Variants in CACNA2D2 observed in about 807,000 individuals in gnomAD.
CACNA2D2 encodes voltage-dependent calcium channel subunit alpha-2/delta-2.
A neutral mutation model predicts 166.4 loss-of-function variants in CACNA2D2; 48 were observed. The ratio of observed to expected loss-of-function variants is 0.29; its 90% CI spans 0.23 to 0.37. The LOEUF is 0.37. Among genes scored for constraint, CACNA2D2 ranks in the 10% least tolerant of loss-of-function variants. The pLI is 1.00. For synonymous variants in CACNA2D2, 561 were observed against 573.7 expected (o/e 0.98, Z 0.32); for missense variants, 1,122 against 1,433.0 (o/e 0.78, Z 3.50).
chr3:50,431,569 G>T (rs1372705912), intron 3 of CACNA2D2, among the ~76,000 whole-genome samples: 1 of 152,204 alleles, frequency 6.6e-6, no homozygotes, highest in Non-Finnish European at 1.5e-5. Context: ...GTCCCCCTCT[G>T]TGAAGCCAAG....
intron 5 of CACNA2D2, among the ~76,000 whole-genome samples, chr3:50,386,428 G>T (rs946329629): frequency 2.6e-5 from 4 of 152,252 alleles, no homozygotes; most frequent in Admixed American, 2.0e-4. Context: ...GCCCGCTGCT[G>T]AGGGGGGTAA....
intron 2 of CACNA2D2, among the ~76,000 whole-genome samples, chr3:50,461,912 G>C (rs1709604359): frequency 6.6e-6 from 1 of 152,218 alleles, no homozygotes; most frequent in African/African-American, 2.4e-5. Flanking sequence ...GGACACATTG[G>C]TGCCGCAGGC....
chr3:50,462,174 A>C (rs578216400), intron 2 of CACNA2D2, among the ~76,000 whole-genome samples: 1 of 152,092 alleles, frequency 6.6e-6, no homozygotes, highest in Non-Finnish European at 1.5e-5. Context: ...GGATCACTTG[A>C]AGTCAGGAGT....
intron 1 of CACNA2D2, among the ~76,000 whole-genome samples, chr3:50,482,300 C>T (rs541245017): frequency 6.6e-6 from 1 of 152,312 alleles, no homozygotes; most frequent in East Asian, 1.9e-4. Context: ...ATCTCCTGGG[C>T]CACCTTCCCT....
At chr3:50,487,368 G>T (rs1011923174) in intron 1 of CACNA2D2, among the ~76,000 whole-genome samples, 1 of 152,248 alleles carries the variant, frequency 6.6e-6, no homozygotes, top group Non-Finnish European at 1.5e-5. Flanking sequence ...CTATCCTGCA[G>T]TAGGAACGTT....
At chr3:50,442,845 G>A (rs1018044343) in intron 2 of CACNA2D2, among the ~76,000 whole-genome samples, 3 of 152,200 alleles carry the variant, frequency 2.0e-5, no homozygotes, top group East Asian at 3.9e-4. Flanking sequence ...CAAGACAAGC[G>A]TCCCTGGACA....
chr3:50,454,274 G>A (rs569817279), intron 2 of CACNA2D2, among the ~76,000 whole-genome samples: 8 of 152,334 alleles, frequency 5.3e-5, no homozygotes, highest in East Asian at 3.9e-4. Context: ...GGAAGGGACC[G>A]AGCCGGACTC....
chr3:50,412,297 G>GGCCCTGCTCTGA (rs1707054299), intron 3 of CACNA2D2, among the ~76,000 whole-genome samples: 1 of 152,238 alleles, frequency 6.6e-6, no homozygotes, highest in African/African-American at 2.4e-5. Flanking sequence ...GCTGGCTGTG[G>GGCCCTGCTCTGA]GCCCTGCTCT....
In CACNA2D2 at chr3:50,366,838, G is replaced by A. The variant is rs1391105064; in HGVS notation, c.2582C>T (p.Pro861Leu). 2.5e-5 allele frequency: 40 copies of A among 1,613,394 alleles called. No individual in the cohort carries two copies. Among genetic ancestry groups the A allele is most frequent in the Non-Finnish European group, 3.1e-5 (36 of 1,179,984 alleles). ...LASNRTHQDQ[P>L]QKCGPNSHCE... ...CCGCCCCTGCCCAAATACCTTCTGA[G>A]GCTGGTCTTGGTGGGTACGGTTGCT... Residue 861 changes from proline to leucine, a missense_variant, in exon 29 of 38, where the codon CCT (proline) becomes CTT (leucine). Around this residue, in one of 2 missense-constraint regions of CACNA2D2, gnomAD observed 840 missense variants for 1,166.8 expected, o/e 0.72. Transcript: ENST00000424201. The surrounding 1 kb of genome is among the most constrained non-coding windows in gnomAD (Gnocchi z 5.9).
At chr3:50,421,143 G>A (rs1488056648) in intron 3 of CACNA2D2, among the ~76,000 whole-genome samples, 2 of 152,232 alleles carry the variant, frequency 1.3e-5, no homozygotes, top group African/African-American at 4.8e-5. Context: ...TCACCTGTGA[G>A]GTGGCCCCAC....
chr3:50,407,446 C>A (rs919180445), intron 3 of CACNA2D2, among the ~76,000 whole-genome samples: 1 of 152,202 alleles, frequency 6.6e-6, no homozygotes, highest in African/African-American at 2.4e-5. Flanking sequence ...AGGAGGAAAG[C>A]CCTCAAGGCC....
intron 3 of CACNA2D2, among the ~76,000 whole-genome samples, chr3:50,408,895 T>C (rs995994540): frequency 2.0e-5 from 3 of 152,232 alleles, no homozygotes; most frequent in African/African-American, 4.8e-5. Context: ...CCTGCAATAT[T>C]TGGGGCATCG....
intron 2 of CACNA2D2, among the ~76,000 whole-genome samples, chr3:50,459,394 C>T (rs1464193888): frequency 6.6e-6 from 1 of 152,074 alleles, no homozygotes; most frequent in Non-Finnish European, 1.5e-5. Context: ...TTTAAATGCT[C>T]ACTACTAATC....
intron 1 of CACNA2D2, among the ~76,000 whole-genome samples, chr3:50,489,463 A>G (rs1191582544): frequency 6.6e-6 from 1 of 152,224 alleles, no homozygotes; most frequent in Non-Finnish European, 1.5e-5. Flanking sequence ...GTGCCAGGGA[A>G]GATGGGGCTA....
chr3:50,431,830 C>T (rs1708076076), intron 3 of CACNA2D2, among the ~76,000 whole-genome samples: 1 of 151,748 alleles, frequency 6.6e-6, no homozygotes, highest in African/African-American at 2.4e-5. Context: ...ACTAAAAATA[C>T]ATAAATTAGC....
chr3:50,455,739 C>T (rs1388654197), intron 2 of CACNA2D2, among the ~76,000 whole-genome samples: 3 of 152,130 alleles, frequency 2.0e-5, no homozygotes, highest in African/African-American at 7.2e-5. Flanking sequence ...CTCCCAGAAT[C>T]GAGCTGAAGA....
intron 3 of CACNA2D2, among the ~76,000 whole-genome samples, chr3:50,408,514 A>C (rs925930812): frequency 2.6e-5 from 4 of 152,180 alleles, no homozygotes; most frequent in Non-Finnish European, 5.9e-5. Context: ...TGCCAGGTGG[A>C]AATGCCCAGG....
chr3:50,484,471 T>TCA (rs762406726), intron 1 of CACNA2D2, among the ~76,000 whole-genome samples: 20 of 152,250 alleles, frequency 1.3e-4, no homozygotes, highest in Non-Finnish European at 2.9e-4. Context: ...CCCCAGTAGC[T>TCA]TCCCTGACCT....
At chr3:50,372,477 C>A (rs926549906) in intron 22 of CACNA2D2, among the ~76,000 whole-genome samples, 1 of 152,236 alleles carries the variant, frequency 6.6e-6, no homozygotes, top group Non-Finnish European at 1.5e-5. Context: ...TCTTCAATGG[C>A]TGGGGCCTGC....
Sources: allele counts gnomAD v4.1 joint callset (sites outside exome capture counted in the v4.1 genomes callset), GRCh38; gene constraint gnomAD v4.1.1; regional missense constraint gnomAD v4.1.1; non-coding constraint Gnocchi (gnomAD v3.1); transcripts MANE v1.5; gene names NCBI Gene and HGNC (gene_info 2026-07-23, HGNC 2026-07-21).